Variants in MIAT observed in about 807,000 individuals in gnomAD.
The protein encoded by MIAT is MI related novel mRNA.
exon 1 of MIAT, chr22:26,646,764 T>A (rs183996453): frequency 7.5e-5 from 30 of 398,680 alleles, no homozygotes; most frequent in South Asian, 5.1e-4. Context: ...TGCCCCAAAC[T>A]GTCTTAGTGC....
chr22:26,652,114 C>T (rs747220818), intron 2 of MIAT, among the ~76,000 whole-genome samples: 6 of 152,190 alleles, frequency 3.9e-5, no homozygotes, highest in East Asian at 3.8e-4. Flanking sequence ...TTTGCTCAGC[C>T]GTCCACGTAG....
chr22:26,668,723 C>T (rs1211578459), exon 6 of MIAT: 4 of 399,092 alleles, frequency 1.0e-5, no homozygotes, highest in East Asian at 3.6e-5. Flanking sequence ...TTGCTCAGTG[C>T]GTAATTGTCA....
At chr22:26,668,360 G>A (rs1930926245) in exon 6 of MIAT, 7 of 398,768 alleles carry the variant, frequency 1.8e-5, no homozygotes, top group Non-Finnish European at 3.1e-5. Flanking sequence ...CCTGGTTGAT[G>A]CTCAGCAGAT....
At chr22:26,671,065 CT>C, downstream of MIAT, 1 of 398,282 alleles carries the variant, frequency 2.5e-6, no homozygotes, top group East Asian at 3.6e-5. Flanking sequence ...GTTGTCAGAT[CT>C]TTTGCGGAGA....
At chr22:26,663,370 AC>A in exon 3 of MIAT, 1 of 398,514 alleles carries the variant, frequency 2.5e-6, no homozygotes, top group East Asian at 3.6e-5. Flanking sequence ...GGCCACCATG[AC>A]CCCGTCGGCA....
chr22:26,667,027 C>A (rs1240069661), intron 4 of MIAT: 1 of 397,736 alleles, frequency 2.5e-6, no homozygotes, highest in Admixed American at 4.4e-5. Context: ...CCTGTGCCCC[C>A]TCCTCAGGCC....
intron 2 of MIAT, among the ~76,000 whole-genome samples, chr22:26,648,129 C>G (rs1930270210): frequency 6.6e-6 from 1 of 152,148 alleles, no homozygotes; most frequent in Non-Finnish European, 1.5e-5. Flanking sequence ...CTGCACCTTT[C>G]TCTCAGCCTC....
At chr22:26,675,503 T>G (rs1021284953) in exon 5 of MIAT, 1 of 398,672 alleles carries the variant, frequency 2.5e-6, no homozygotes, top group Non-Finnish European at 4.4e-6. Context: ...GGCCACATTT[T>G]AGACAACTGA....
intron 5 of MIAT, chr22:26,667,887 T>G: frequency 1.1e-5 from 3 of 269,268 alleles, no homozygotes; most frequent in Non-Finnish European, 2.1e-5. Context: ...CCCAGGCTGG[T>G]CTCGAACTCC....
At chr22:26,647,755 G>A (rs1219976102) in intron 2 of MIAT, among the ~76,000 whole-genome samples, 1 of 152,042 alleles carries the variant, frequency 6.6e-6, no homozygotes, top group Non-Finnish European at 1.5e-5. Flanking sequence ...GCAGCAAGGA[G>A]AACAGACTGG....
chr22:26,671,239 T>C (rs1300987236), downstream of MIAT: 2 of 398,400 alleles, frequency 5.0e-6, no homozygotes, highest in African/African-American at 4.1e-5. Flanking sequence ...AGCCAATAAA[T>C]AGGGAAGCAA....
At chr22:26,660,461 CAAAAA>C (rs58234097) in intron 2 of MIAT, among the ~76,000 whole-genome samples, 8 of 107,164 alleles carry the variant, frequency 7.5e-5, no homozygotes, top group Admixed American at 1.0e-4. Context: ...GAGACTATCT[CAAAAA>C]AAAAAAAAAA....
At chr22:26,665,077 T>TA (rs539316908) in intron 3 of MIAT, among the ~76,000 whole-genome samples, 2,484 of 148,036 alleles carry the variant, frequency 0.017, 28 homozygotes, top group Non-Finnish European at 0.028. Context: ...TCTCTACTAC[T>TA]AAAAAAAAAA....
At chr22:26,649,271 G>C (rs1930294309) in intron 2 of MIAT, among the ~76,000 whole-genome samples, 1 of 152,182 alleles carries the variant, frequency 6.6e-6, no homozygotes, top group Non-Finnish European at 1.5e-5. Context: ...GCAAGGGTGG[G>C]ATTCAAATTT....
In MIAT at chr22:26,664,080, C is replaced by T. The variant is rs1041114623; in HGVS notation, n.729+682C>T. Among the ~76,000 whole-genome samples the T allele has an allele frequency of 3.4e-5, 5 of 147,664 alleles. No individual in the cohort carries two copies. In the East Asian group the frequency reaches 8.1e-4, roughly 24 times the overall value. On this transcript the variant is annotated intron_variant and non_coding_transcript_variant, in intron 3 of 5. Coordinates refer to ENST00000643270, the Ensembl canonical transcript of MIAT. ...GGGCTGCAGTGCAGTGGAGCCATCT[C>T]GGCTCACTGCAACCTCCGCCTGCTG...
intron 3 of MIAT, chr22:26,663,554 C>G (rs908261453): frequency 5.1e-6 from 2 of 391,602 alleles, no homozygotes; most frequent in African/African-American, 2.1e-5. Flanking sequence ...GTTCCCCAAT[C>G]GTGGCTTTCC....
In MIAT at chr22:26,661,940, A is replaced by ATGGATC. The variant is rs1602361874; in HGVS notation, n.647-1375_647-1374insGGATCT. 7.4e-5 allele frequency among the ~76,000 whole-genome samples: 4 copies of ATGGATC among 53,756 alleles called. No homozygotes were observed. In the East Asian group the frequency reaches 5.0e-3, roughly 68 times the overall value. The allele number at this position is 53,756 out of a possible 152,430, so 35.3% of individuals were successfully genotyped here. On this transcript the variant is annotated intron_variant and non_coding_transcript_variant, in intron 2 of 5. Coordinates refer to ENST00000643270, the Ensembl canonical transcript of MIAT. ...TCCATATATATATATATATATATAT[A>ATGGATC]TATATATATATATATATATATACAC... is the stretch of plus-strand genomic sequence containing the variant.
At chr22:26,674,006 A>G (rs1931167237), downstream of MIAT, 3 of 398,486 alleles carry the variant, frequency 7.5e-6, no homozygotes, top group Non-Finnish European at 1.3e-5. Context: ...ACCTTAAAAT[A>G]CCTGTCTGGT....
chr22:26,656,299 G>C (rs1569218254), intron 2 of MIAT: 1 of 145,704 alleles, frequency 6.9e-6, no homozygotes. Flanking sequence ...GTGTGAGCCA[G>C]CCACCGTGCC....
Sources: gnomAD v4.1 joint callset for allele counts (sites outside exome capture counted in the v4.1 genomes callset) on GRCh38, gnomAD v4.1.1 for gene constraint, MANE v1.5 for transcripts, NCBI Gene and HGNC (gene_info 2026-07-23, HGNC 2026-07-21) for gene names.